Variants in SLC51A observed in about 807,000 individuals in gnomAD.
The protein encoded by SLC51A is solute carrier family 51 member A, also known as organic solute transporter subunit alpha.
SLC51A carries 22 observed loss-of-function variants against 34.8 expected under a neutral mutation model. That is an observed-to-expected ratio of 0.63 (90% CI 0.45 to 0.90). The LOEUF (loss-of-function observed/expected upper bound fraction) is 0.90. Among genes scored for constraint, SLC51A ranks in the 40% least tolerant of loss-of-function variants. SLC51A has a pLI of 0.00. For missense variants in SLC51A, 371 were observed against 414.8 expected (o/e 0.89, Z 0.92); for synonymous variants, 181 against 176.3 (o/e 1.03, Z -0.21).
intron 2 of SLC51A, among the ~76,000 whole-genome samples, chr3:196,220,698 G>C (rs977976039): frequency 6.6e-6 from 1 of 152,098 alleles, no homozygotes; most frequent in Non-Finnish European, 1.5e-5. Flanking sequence ...GGAAAGAAGA[G>C]GAAGGGTTGG....
chr3:196,216,734 A>T lies in SLC51A; in HGVS notation c.22A>T (p.Ile8Leu). ...GGCGATGGAGCCGGGCAGGACCCAG[A>T]TAAAGCTTGACCCCAGGTAAGTGAG... MEPGRTQ[I>L]KLDPRYTADL... The change falls in exon 1 of 9, where the codon ATA (isoleucine) becomes TTA (leucine). Residue 8 changes from isoleucine to leucine, a missense_variant. By Grantham distance (5) the Ile-to-Leu change is conservative. Transcript: ENST00000296327. This position sits in a 1 kb window ranked among gnomAD's most constrained non-coding sequence, Gnocchi z 4.5. 1 of 1,578,140 alleles carries T rather than the reference A, an allele frequency of 6.3e-7. No homozygotes were observed. The highest frequency in any genetic ancestry group is 8.6e-7 in the Non-Finnish European group (1 of 1,161,728).
chr3:196,226,010 T>G (rs1723882193), intron 2 of SLC51A, among the ~76,000 whole-genome samples: 2 of 152,194 alleles, frequency 1.3e-5, no homozygotes, highest in Admixed American at 1.3e-4. Context: ...TTTGATCCGT[T>G]TCTCTTTTGT....
In SLC51A at chr3:196,216,635, GC is replaced by G. The variant is rs1279570362; in HGVS notation, c.-73del. 5.6e-6 allele frequency: 8 copies of G among 1,416,364 alleles called. No individual in the cohort carries two copies. The highest frequency in any genetic ancestry group is 7.7e-6 in the Non-Finnish European group (8 of 1,032,576). The allele number at this position is 1,416,364 out of a possible 1,614,324, so 87.7% of individuals were successfully genotyped here. ...CACCCCGGCCCAGGCAAGCCACCCT[GC>G]CCCCGGCCCCCACCTGCCCGCCCCG... On this transcript the variant is annotated 5_prime_UTR_variant, in exon 1 of 9. Coordinates refer to ENST00000296327, the MANE Select transcript of SLC51A (RefSeq NM_152672.6). This position sits in a 1 kb window ranked among gnomAD's most constrained non-coding sequence, Gnocchi z 4.5.
At position 196,233,165 on chromosome 3, in the gene SLC51A, C is replaced by T; in HGVS notation, c.989C>T (p.Ser330Phe). The change falls in exon 9 of 9, where the codon TCT becomes TTT. Residue 330 changes from serine to phenylalanine, a missense_variant. By Grantham distance (155) the Ser-to-Phe change is radical. Coordinates refer to ENST00000296327, the MANE Select transcript of SLC51A (RefSeq NM_152672.6). Reference protein sequence around the residue: ...KDHKVGYETFSSPDLDLNLKA With the variant: ...KDHKVGYETFFSPDLDLNLKA ...CACAAGGTTGGGTATGAAACTTTCTCTTCTCCAGACCTGGACTTGAACCTC... is the reference window on the plus strand; with the variant it reads ...CACAAGGTTGGGTATGAAACTTTCTTTTCTCCAGACCTGGACTTGAACCTC... 3 of 1,614,264 alleles carry T rather than the reference C, an allele frequency of 1.9e-6. No homozygotes were observed. The highest frequency in any genetic ancestry group is 2.5e-6 in the Non-Finnish European group (3 of 1,180,048).
chr3:196,232,851 T>G (rs1724056446), intron 8 of SLC51A: 2 of 603,222 alleles, frequency 3.3e-6, no homozygotes, highest in Non-Finnish European at 5.9e-6. Flanking sequence ...ATGGACTGTA[T>G]GCCAGCCTCA....
At chr3:196,222,480 C>CA (rs1723785728) in intron 2 of SLC51A, among the ~76,000 whole-genome samples, 1 of 151,314 alleles carries the variant, frequency 6.6e-6, no homozygotes, top group Non-Finnish European at 1.5e-5. Context: ...ACTTAAAATA[C>CA]AAAAATTAGC....
intron 6 of SLC51A, among the ~76,000 whole-genome samples, 186 bp downstream of exon 6, chr3:196,229,106 C>A (rs538000452): frequency 6.6e-6 from 1 of 152,302 alleles, no homozygotes; most frequent in East Asian, 1.9e-4. Flanking sequence ...TTTTTCATTA[C>A]CGTTCCTGCC....
intron 2 of SLC51A, chr3:196,223,737 TAA>T (rs71161915): frequency 0.017 from 4,336 of 247,910 alleles, 8 homozygotes; most frequent in Middle Eastern, 0.028. Flanking sequence ...CAGGTTTAGT[TAA>T]AAAAAAAAAA....
chr3:196,227,990 G>A (rs917855419), intron 4 of SLC51A, 125 bp from the exon 5 acceptor site: 7 of 1,295,430 alleles, frequency 5.4e-6, no homozygotes, highest in Non-Finnish European at 6.4e-6. Flanking sequence ...CCTCTCCCTC[G>A]CCCCTCTTGG....
chr3:196,224,031 G>C (rs1042128884), intron 2 of SLC51A: 12 of 290,160 alleles, frequency 4.1e-5, no homozygotes, highest in Admixed American at 4.0e-4. Context: ...GCTAATTTTT[G>C]TATTTTTGGT....
rs377420261 is a variant in SLC51A, at chr3:196,233,128, C to T, written c.952C>T (p.Arg318Ter). ...GACTGTGCTGACACGAATGTACTAC[C>T]GAAGGAAAGACCACAAGGTTGGGTA... is the stretch of plus-strand genomic sequence containing the variant. ...LMTVLTRMYY[R>*]RKDHKVGYET... Residue 318 changes from arginine to a stop codon, truncating the protein, a stop_gained, in exon 9 of 9, where the codon CGA becomes TGA. Coordinates refer to ENST00000296327, the MANE Select transcript of SLC51A (RefSeq NM_152672.6). LOFTEE classifies it high-confidence loss of function. 52 of 1,614,068 alleles carry T rather than the reference C, an allele frequency of 3.2e-5. No homozygotes were observed. The highest frequency in any genetic ancestry group is 3.9e-5 in the Non-Finnish European group (46 of 1,180,016).
chr3:196,231,502 G>C (rs1426093065), intron 7 of SLC51A, among the ~76,000 whole-genome samples: 1 of 152,146 alleles, frequency 6.6e-6, no homozygotes, highest in Non-Finnish European at 1.5e-5. Context: ...ATTCTCATTT[G>C]ATCTACGTAC....
intron 2 of SLC51A, among the ~76,000 whole-genome samples, chr3:196,219,980 C>T (rs1445974498): frequency 1.3e-5 from 2 of 152,240 alleles, no homozygotes; most frequent in African/African-American, 4.8e-5. Context: ...CAGCAAGCCT[C>T]GCCGCAGGCA....
At chr3:196,231,995 TG>T (rs1250568116) in intron 7 of SLC51A, among the ~76,000 whole-genome samples, 27 of 152,330 alleles carry the variant, frequency 1.8e-4, no homozygotes, top group Non-Finnish European at 1.6e-4. Context: ...CTGCAGTCTC[TG>T]GGATGGCAGA....
intron 7 of SLC51A, among the ~76,000 whole-genome samples, chr3:196,231,742 G>A (rs1226649404): frequency 3.9e-5 from 6 of 152,190 alleles, no homozygotes; most frequent in Admixed American, 6.6e-5. Context: ...AGAAGCTGAG[G>A]TTTCCACACA....
chr3:196,228,357 G>A lies in SLC51A; in HGVS notation c.521+84G>A. 1 of 1,482,444 alleles carries A rather than the reference G, an allele frequency of 6.7e-7. No homozygotes were observed. The highest frequency in any genetic ancestry group is 9.0e-7 in the Non-Finnish European group (1 of 1,116,482). The allele number at this position is 1,482,444 out of a possible 1,614,324, so 91.8% of individuals were successfully genotyped here. Reference sequence around the variant, plus strand: ...TCCCCTTCAAGGCTCTGGGAATTAGGCGTGAATAGGCCAAAGCCAGTGACG... The same window carrying A: ...TCCCCTTCAAGGCTCTGGGAATTAGACGTGAATAGGCCAAAGCCAGTGACG... On this transcript the variant is annotated intron_variant, in intron 5 of 8. Transcript: ENST00000296327. The surrounding 1 kb of genome is among the most constrained non-coding windows in gnomAD (Gnocchi z 4.9).
chr3:196,229,890 A>AC, intron 6 of SLC51A, 25 bp from the exon 7 acceptor site: 2 of 1,580,848 alleles, frequency 1.3e-6, no homozygotes, highest in South Asian at 2.3e-5. Context: ...TGCCTGCCTC[A>AC]CTGACTACTT....
At chr3:196,217,503 C>T (rs1723620999) in intron 1 of SLC51A, among the ~76,000 whole-genome samples, 1 of 151,034 alleles carries the variant, frequency 6.6e-6, no homozygotes, top group Non-Finnish European at 1.5e-5. Flanking sequence ...AGACAGACCA[C>T]TGCACTCCAG....
At chr3:196,224,620 A>G (rs1003816222) in intron 2 of SLC51A, among the ~76,000 whole-genome samples, 4 of 148,346 alleles carry the variant, frequency 2.7e-5, no homozygotes, top group Admixed American at 6.8e-5. Context: ...AGGCTGCAGT[A>G]AGCTAAGATC....
Sources: allele counts gnomAD v4.1 joint callset (sites outside exome capture counted in the v4.1 genomes callset), GRCh38; gene constraint gnomAD v4.1.1; non-coding constraint Gnocchi (gnomAD v3.1); transcripts MANE v1.5; gene names NCBI Gene and HGNC (gene_info 2026-07-23, HGNC 2026-07-21).